The following LEPR variants were observed in gnomAD, a reference collection of about 807,000 sequenced individuals.
LEPR encodes the protein leptin receptor.
A neutral mutation model predicts 114.7 loss-of-function variants in LEPR; 56 were observed. The ratio of observed to expected loss-of-function variants is 0.49; its 90% CI spans 0.39 to 0.61. The LOEUF is 0.61. Among genes scored for constraint, LEPR ranks in the 20% least tolerant of loss-of-function variants. The pLI, the probability that LEPR is intolerant of heterozygous loss-of-function variation, is 0.00. For missense variants in LEPR, 1,202 were observed against 1,352.9 expected (o/e 0.89, Z 1.75); for synonymous variants, 443 against 461.4 (o/e 0.96, Z 0.51).
rs2100813812 is a variant in LEPR, at chr1:65,572,415, A to G, written c.460A>G (p.Asn154Asp). The change falls in exon 5 of 20, where the codon AAT becomes GAT. Residue 154 changes from asparagine (N) to aspartate (D), a missense_variant. Asn to Asp is a conservative substitution (Grantham distance 23). Coordinates refer to ENST00000349533, the MANE Select transcript of LEPR (RefSeq NM_002303.6). ...GTCATTATTTAAGAATCTATTCAGG[A>G]ATTATAACTATAAGGTCCATCTTTT... The part of the protein sequence containing the change: ...VESLFKNLFR[N>D]YNYKVHLLYV... 3 of 1,600,982 alleles carry G rather than the reference A, an allele frequency of 1.9e-6. No individual in the cohort carries two copies. The East Asian group carries it at 6.7e-5, about 36-fold the overall frequency.
At chr1:65,488,214 C>CTTTCTTTCTTTTTCTTTCTTTCTTTCTT (rs774153035) in intron 2 of LEPR, among the ~76,000 whole-genome samples, 1 of 46,768 alleles carries the variant, frequency 2.1e-5, no homozygotes, top group African/African-American at 1.3e-4. Flanking sequence ...CTTTCTTTCT[C>CTTTCTTTCTTTTTCTTTCTTTCTTTCTT]TCTCTCTCTC....
At chr1:65,455,556 C>G (rs202108559) in intron 2 of LEPR, among the ~76,000 whole-genome samples, 106 of 152,196 alleles carry the variant, frequency 7.0e-4, no homozygotes, top group Middle Eastern at 3.6e-3. Context: ...AGGTGTCAGT[C>G]TGCCCCTGCT....
At chr1:65,543,219 T>C (rs1345013337) in intron 2 of LEPR, among the ~76,000 whole-genome samples, 1 of 152,076 alleles carries the variant, frequency 6.6e-6, no homozygotes, top group Non-Finnish European at 1.5e-5. Flanking sequence ...CCAGTGATGA[T>C]GAGCTTTTTT....
chr1:65,534,071 A>G (rs558867197), intron 2 of LEPR, among the ~76,000 whole-genome samples: 206 of 152,262 alleles, frequency 1.4e-3, no homozygotes, highest in African/African-American at 4.7e-3. Context: ...TTTAAATTCA[A>G]TGTCTTTCCA....
intron 2 of LEPR, among the ~76,000 whole-genome samples, chr1:65,444,386 T>C (rs893603781): frequency 4.6e-5 from 7 of 152,090 alleles, no homozygotes; most frequent in African/African-American, 1.7e-4. Context: ...TTTAGGACCC[T>C]ATTTCTTTCT....
At chr1:65,454,363 G>A (rs1240105853) in intron 2 of LEPR, among the ~76,000 whole-genome samples, 2 of 152,012 alleles carry the variant, frequency 1.3e-5, no homozygotes, top group Non-Finnish European at 2.9e-5. Context: ...AGTTCATGCA[G>A]TTTCTTCGTA....
intron 2 of LEPR, among the ~76,000 whole-genome samples, chr1:65,528,484 A>G (rs1403883046): frequency 6.6e-6 from 1 of 152,086 alleles, no homozygotes; most frequent in East Asian, 1.9e-4. Flanking sequence ...GGCTGATTTA[A>G]TACTTTTTGT....
chr1:65,507,493 GTGTGTGTATATATATATACATATA>G (rs1648804104), intron 2 of LEPR, among the ~76,000 whole-genome samples: 1 of 138,700 alleles, frequency 7.2e-6, no homozygotes, highest in Non-Finnish European at 1.5e-5. Flanking sequence ...ATGTATATAT[GTGTGTGTATATATATATACATATA>G]TATGTGTATA....
intron 2 of LEPR, chr1:65,525,654 CG>C: frequency 2.0e-6 from 2 of 985,698 alleles, no homozygotes; most frequent in Non-Finnish European, 2.4e-6. Flanking sequence ...CCCACGCACT[CG>C]GCTGCCCTCC....
chr1:65,580,964 G>C (rs2100848217), intron 5 of LEPR, among the ~76,000 whole-genome samples: 1 of 152,180 alleles, frequency 6.6e-6, no homozygotes, highest in East Asian at 1.9e-4. Context: ...GATACACAAG[G>C]GTCAGATTAT....
chr1:65,617,858 G>T, intron 15 of LEPR, 106 bp from the exon 16 acceptor site: 1 of 1,136,644 alleles, frequency 8.8e-7, no homozygotes, highest in South Asian at 1.7e-5. Flanking sequence ...TAAATTGTCT[G>T]TCTTCTCTTC....
In LEPR at chr1:65,626,130, C is replaced by G. The variant is rs200779194; in HGVS notation, c.2673+3149C>G. On this transcript the variant is annotated intron_variant, in intron 19 of 19. Coordinates refer to ENST00000349533, the MANE Select transcript of LEPR (RefSeq NM_002303.6). Reference sequence around the variant, plus strand: ...TATTTTTCCCTTTTCCAGAAAATGCCTGGCACAAAGGAACTACTGGGTGGA... The same window carrying G: ...TATTTTTCCCTTTTCCAGAAAATGCGTGGCACAAAGGAACTACTGGGTGGA... The G allele has an allele frequency of 1.4e-4, 230 of 1,612,334 alleles. 3 individuals carry two copies. The highest frequency in any genetic ancestry group is 1.1e-3 in the South Asian group (97 of 90,880).
intron 10 of LEPR, among the ~76,000 whole-genome samples, chr1:65,603,354 C>G (rs1424760051): frequency 6.6e-6 from 1 of 150,708 alleles, no homozygotes. Context: ...CATTTATTCA[C>G]ACACACACAC....
chr1:65,564,327 C>T (rs546018258), intron 2 of LEPR, among the ~76,000 whole-genome samples: 2,524 of 139,562 alleles, frequency 0.018, 4 homozygotes, highest in African/African-American at 0.064. Context: ...CAGGTGCGTC[C>T]GTCACCCCTT....
chr1:65,453,552 A>C (rs1002898333), intron 2 of LEPR, among the ~76,000 whole-genome samples: 5 of 152,098 alleles, frequency 3.3e-5, no homozygotes, highest in Non-Finnish European at 7.4e-5. Flanking sequence ...GTAGTCATTC[A>C]GGAGCAGGTT....
chr1:65,421,432 G>A lies in LEPR; in HGVS notation c.-97+692G>A. On this transcript the variant is annotated intron_variant, in intron 1 of 19. Transcript: ENST00000349533. ...CTTCAGAGCAATGCGAGACGGAAAAGGTTTTTTGCAAGGCTTCCTGTATTT... is the reference window on the plus strand; with the variant it reads ...CTTCAGAGCAATGCGAGACGGAAAAAGTTTTTTGCAAGGCTTCCTGTATTT... 1 of 1,536,022 alleles carries A rather than the reference G, an allele frequency of 6.5e-7. No individual in the cohort carries two copies. Among genetic ancestry groups the A allele is most frequent in the Non-Finnish European group, 8.7e-7 (1 of 1,146,864 alleles).
At chr1:65,544,162 T>C (rs1651457261) in intron 2 of LEPR, among the ~76,000 whole-genome samples, 1 of 151,980 alleles carries the variant, frequency 6.6e-6, no homozygotes, top group African/African-American at 2.4e-5. Context: ...TTTGTAGTTT[T>C]CCTTGAAGAG....
rs1031066368 is a variant in LEPR at position 65,638,358 on chromosome 1, G to T, written c.*1343G>T. On this transcript the variant is annotated 3_prime_UTR_variant, in exon 20 of 20. Coordinates refer to ENST00000349533, the MANE Select transcript of LEPR (RefSeq NM_002303.6). ...TTATTATTTATTCAACTTTTGGTAC[G>T]GTAAAAAAATTCAAAGACAGCATAT... 6.6e-6 allele frequency: 1 copy of T among 151,946 alleles called. No homozygotes were observed. The allele number at this position is 151,946 out of a possible 1,614,324, so 9.4% of individuals were successfully genotyped here. A position where few individuals can be genotyped will look rare whatever the true frequency, so the allele number is the denominator to read the frequency against.
intron 10 of LEPR, among the ~76,000 whole-genome samples, chr1:65,603,679 G>T (rs1656609973): frequency 6.6e-6 from 1 of 150,538 alleles, no homozygotes; most frequent in Non-Finnish European, 1.5e-5. Flanking sequence ...AAAACATTAG[G>T]AGATTTTTTT....
Sources: allele counts gnomAD v4.1 joint callset (sites outside exome capture counted in the v4.1 genomes callset), GRCh38; gene constraint gnomAD v4.1.1; transcripts MANE v1.5; gene names NCBI Gene and HGNC (gene_info 2026-07-23, HGNC 2026-07-21).